Variants in ANKRD6 observed in about 807,000 individuals in gnomAD.
ANKRD6 encodes the protein ankyrin repeat domain-containing protein 6.
In ANKRD6, 56 loss-of-function variants were observed where a neutral mutation model predicts 82.3. The ratio of observed to expected loss-of-function variants is 0.68; its 90% confidence interval spans 0.55 to 0.85. The LOEUF (loss-of-function observed/expected upper bound fraction) is 0.85. Among genes scored for constraint, ANKRD6 ranks in the 40% least tolerant of loss-of-function variants. ANKRD6 has a pLI of 0.00. For missense variants in ANKRD6, 852 were observed against 907.6 expected (o/e 0.94, Z 0.79); for synonymous variants, 347 against 352.1 (o/e 0.99, Z 0.16).
At chr6:89,449,904 A>G (rs1772601570) in intron 1 of ANKRD6, among the ~76,000 whole-genome samples, 1 of 152,204 alleles carries the variant, frequency 6.6e-6, no homozygotes, top group Non-Finnish European at 1.5e-5. Flanking sequence ...TGAAATGATG[A>G]CAGAGAATTT....
At chr6:89,547,649 A>G (rs934922590) in intron 1 of ANKRD6, among the ~76,000 whole-genome samples, 22 of 151,950 alleles carry the variant, frequency 1.4e-4, no homozygotes, top group Non-Finnish European at 2.2e-4. Flanking sequence ...TGATGGCAGG[A>G]TTTTCCTCTT....
At chr6:89,436,690 T>C (rs1436777730) in intron 1 of ANKRD6, among the ~76,000 whole-genome samples, 2 of 152,238 alleles carry the variant, frequency 1.3e-5, no homozygotes, top group Non-Finnish European at 2.9e-5. Context: ...ATTCATGTAC[T>C]ATTTTTGCAA....
chr6:89,539,476 G>A (rs1784217652), intron 1 of ANKRD6, among the ~76,000 whole-genome samples: 3 of 151,982 alleles, frequency 2.0e-5, no homozygotes, highest in South Asian at 4.1e-4. Context: ...TATGCAGTAT[G>A]TATATAAGCA....
rs1770253345 is a variant in ANKRD6, at chr6:89,433,721, G to C, written c.-144+346G>C. On this transcript the variant is annotated intron_variant, in intron 1 of 15. Transcript: ENST00000339746. The surrounding 1 kb of genome is among the most constrained non-coding windows in gnomAD (Gnocchi z 4.3). ...TTTGAAGGAAGGGCGGTGGGGGCGGGGGTCCGAGTACCCCGCGGTCTGCGG... is the reference window on the plus strand; with the variant it reads ...TTTGAAGGAAGGGCGGTGGGGGCGGCGGTCCGAGTACCCCGCGGTCTGCGG... Among the ~76,000 whole-genome samples the C allele has an allele frequency of 1.3e-5, 2 of 152,062 alleles. No individual in the cohort carries two copies. Among genetic ancestry groups the C allele is most frequent in the South Asian group, 4.1e-4 (2 of 4,832 alleles).
rs375582350 is a variant in ANKRD6 at position 89,537,355 on chromosome 6, CCCCA to C, written c.-143-29473_-143-29470del. The stretch of plus-strand genomic sequence containing the variant: ...TTACTTTACATTATTTCTGCAGGAA[CCCCA>C]CCCACACACCCCACAAGGTTTTTAG... On this transcript the variant is annotated intron_variant, in intron 1 of 15. Coordinates refer to ENST00000339746, the MANE Select transcript of ANKRD6 (RefSeq NM_001242809.2). Among the ~76,000 whole-genome samples, 45 of 152,186 alleles carry C rather than the reference CCCCA, an allele frequency of 3.0e-4. No individual in the cohort carries two copies. The East Asian group carries it at 8.3e-3, about 28-fold the overall frequency.
chr6:89,576,621 G>T (rs895651575), intron 2 of ANKRD6, among the ~76,000 whole-genome samples: 1 of 152,064 alleles, frequency 6.6e-6, no homozygotes, highest in African/African-American at 2.4e-5. Context: ...AAACATCTTG[G>T]TCCTTGCTGG....
intron 1 of ANKRD6, among the ~76,000 whole-genome samples, chr6:89,492,486 C>G (rs1287388633): frequency 6.6e-6 from 1 of 152,164 alleles, no homozygotes; most frequent in Non-Finnish European, 1.5e-5. Context: ...GTAATGCTCC[C>G]TGATATGTAA....
chr6:89,598,554 G>A, intron 3 of ANKRD6: 1 of 278,416 alleles, frequency 3.6e-6, no homozygotes, highest in Non-Finnish European at 5.4e-6. Context: ...ACTGAAATCT[G>A]CCAACACTAC....
Position 89,632,656 on chromosome 6 carries a change from T to G in ANKRD6, c.*1652T>G, listed in dbSNP as rs537537908. The G allele has an allele frequency of 3.9e-5, 6 of 152,350 alleles. No homozygotes were observed. The highest frequency in any genetic ancestry group is 2.0e-4 in the Admixed American group (3 of 15,304). The allele number at this position is 152,350 out of a possible 1,614,324, so 9.4% of individuals were successfully genotyped here. On this transcript the variant is annotated 3_prime_UTR_variant, in exon 16 of 16. Coordinates refer to ENST00000339746, the MANE Select transcript of ANKRD6 (RefSeq NM_001242809.2). ...ATGTTATTTCAAGTTGATTTTCATG[T>G]GTTTGGGAGCTTGTCTTGTTCTCAA...
At chr6:89,595,768 A>T (rs1583581145) in intron 2 of ANKRD6, 148 bp from the exon 3 acceptor site, 1 of 625,086 alleles carries the variant, frequency 1.6e-6, no homozygotes, top group Non-Finnish European at 2.8e-6. Flanking sequence ...ATTTTGGTTA[A>T]CCCATAAGAA....
intron 1 of ANKRD6, among the ~76,000 whole-genome samples, chr6:89,440,486 T>G (rs1338561990): frequency 2.0e-5 from 3 of 152,208 alleles, no homozygotes. Flanking sequence ...GACACCTTTG[T>G]TAATTTATGT....
chr6:89,590,160 G>C (rs6933010), intron 2 of ANKRD6, among the ~76,000 whole-genome samples: 101,960 of 152,154 alleles, frequency 0.67, 36,113 homozygotes, highest in Non-Finnish European at 0.8. Context: ...CTGAAGATCT[G>C]GGAAGCTGTA....
At chr6:89,591,793 G>A (rs1794965595) in intron 2 of ANKRD6, among the ~76,000 whole-genome samples, 2 of 152,228 alleles carry the variant, frequency 1.3e-5, no homozygotes, top group South Asian at 4.1e-4. Context: ...GGAGGAGACA[G>A]CTTCAGCTTC....
chr6:89,628,932 G>T, intron 14 of ANKRD6, 180 bp from the exon 15 acceptor site: 1 of 630,200 alleles, frequency 1.6e-6, no homozygotes, highest in Non-Finnish European at 2.6e-6. Flanking sequence ...CATGAGATTT[G>T]GAGGGGTCAA....
At chr6:89,465,274 C>T (rs1774712175) in intron 1 of ANKRD6, among the ~76,000 whole-genome samples, 1 of 151,820 alleles carries the variant, frequency 6.6e-6, no homozygotes, top group Admixed American at 6.6e-5. Flanking sequence ...TGCCTGCCAC[C>T]AAGCCTGGCT....
At chr6:89,477,787 A>G (rs1385985305) in intron 1 of ANKRD6, among the ~76,000 whole-genome samples, 1 of 151,828 alleles carries the variant, frequency 6.6e-6, no homozygotes, top group Admixed American at 6.6e-5. Flanking sequence ...AAAAAAAAAA[A>G]AGAATTCTTT....
At chr6:89,492,450 T>A (rs1445157674) in intron 1 of ANKRD6, among the ~76,000 whole-genome samples, 3 of 152,194 alleles carry the variant, frequency 2.0e-5, no homozygotes, top group Non-Finnish European at 4.4e-5. Context: ...CCCAGGTGGC[T>A]GTACTTGTGT....
At chr6:89,579,993 A>G (rs1245524402) in intron 2 of ANKRD6, among the ~76,000 whole-genome samples, 1 of 152,132 alleles carries the variant, frequency 6.6e-6, no homozygotes, top group Non-Finnish European at 1.5e-5. Flanking sequence ...AGTCAAAATT[A>G]TAGGGACAGA....
intron 1 of ANKRD6, among the ~76,000 whole-genome samples, chr6:89,504,764 G>C (rs539620258): frequency 6.6e-6 from 1 of 152,206 alleles, no homozygotes; most frequent in Non-Finnish European, 1.5e-5. Flanking sequence ...GTCTGCAGCA[G>C]TAGTGTGGGG....
Sources: allele counts gnomAD v4.1 joint callset (sites outside exome capture counted in the v4.1 genomes callset), GRCh38; gene constraint gnomAD v4.1.1; non-coding constraint Gnocchi (gnomAD v3.1); transcripts MANE v1.5; gene names NCBI Gene and HGNC (gene_info 2026-07-23, HGNC 2026-07-21).